Variants in TRA2A observed in about 807,000 individuals in gnomAD.
TRA2A encodes transformer 2 alpha homolog.
A neutral mutation model predicts 45.7 loss-of-function variants in TRA2A; 31 were observed. The ratio of observed to expected loss-of-function variants is 0.68; its 90% confidence interval spans 0.51 to 0.92. The LOEUF (loss-of-function observed/expected upper bound fraction) is 0.92, where lower values mean the gene tolerates loss of function less well. Among genes scored for constraint, TRA2A ranks in the 40% least tolerant of loss-of-function variants. The pLI, the probability that TRA2A is intolerant of heterozygous loss-of-function variation, is 0.00. For synonymous variants in TRA2A, 132 were observed against 126.2 expected, an observed-to-expected ratio of 1.05 and a Z score of -0.31; for missense variants, 304 against 367.5, an observed-to-expected ratio of 0.83 and a Z score of 1.41.
intron 4 of TRA2A, among the ~76,000 whole-genome samples, chr7:23,512,358 C>A (rs1281040510): frequency 6.6e-6 from 1 of 152,176 alleles, no homozygotes; most frequent in South Asian, 2.1e-4. Flanking sequence ...GTGGCCCACA[C>A]TTGTAGTGTC....
rs1268897694 is a variant in TRA2A, at chr7:23,531,949, C to G, written c.-125G>C. The G allele has an allele frequency of 2.0e-6, 2 of 1,004,204 alleles. No homozygotes were observed. Among genetic ancestry groups the G allele is most frequent in the South Asian group, 2.8e-5 (2 of 71,030 alleles). The allele number at this position is 1,004,204 out of a possible 1,614,324, so 62.2% of individuals were successfully genotyped here. A position where few individuals can be genotyped will look rare whatever the true frequency, so the allele number is the denominator to read the frequency against. ...AGTCGGCAACCACAGCCGCTCCACT[C>G]CACTCCCACTCGGTCGCAGGCTCCA... is the stretch of plus-strand genomic sequence containing the variant. On this transcript the variant is annotated 5_prime_UTR_variant, in exon 1 of 8. Transcript: ENST00000297071.
In TRA2A at chr7:23,505,067, TA is replaced by T. The variant is rs956782763; in HGVS notation, c.*491del. 4.0e-5 allele frequency: 6 copies of T among 151,340 alleles called. No individual in the cohort carries two copies. Among genetic ancestry groups the T allele is most frequent in the Non-Finnish European group, 7.3e-5 (5 of 68,204 alleles). The allele number at this position is 151,340 out of a possible 1,614,324, so 9.4% of individuals were successfully genotyped here. ...CAGGAGTTCACAAGCTTTTCATCTC[TA>T]AAAAAAAACTTTCAACTACCTGACT... is the stretch of plus-strand genomic sequence containing the variant. On this transcript the variant is annotated 3_prime_UTR_variant, in exon 8 of 8. Coordinates refer to ENST00000297071, the MANE Select transcript of TRA2A (RefSeq NM_013293.5).
rs1468504580 is a variant in TRA2A at position 23,506,141 on chromosome 7, T to C, written c.767A>G (p.Tyr256Cys). ...AAAGCTCAAGTTAAAACATTACCTGTATCGGTAATCATAGTCTTCATATCT... is the reference window on the plus strand; with the variant it reads ...AAAGCTCAAGTTAAAACATTACCTGCATCGGTAATCATAGTCTTCATATCT... The part of the protein sequence containing the change: ...YDRYEDYDYR[Y>C]RRRSPSPYYS... The change falls in exon 6 of 8, where the codon TAC becomes TGC. Residue 256 changes from tyrosine to cysteine, a missense_variant. Around this residue, in one of 3 missense-constraint regions of TRA2A, gnomAD observed 42 missense variants for 37.0 expected, o/e 1.14. Coordinates refer to ENST00000297071, the MANE Select transcript of TRA2A (RefSeq NM_013293.5). The C allele has an allele frequency of 3.1e-6, 5 of 1,604,908 alleles. No individual in the cohort carries two copies. In the South Asian group the frequency reaches 5.6e-5, roughly 18 times the overall value.
chr7:23,525,591 C>A (rs1014545556), intron 1 of TRA2A, among the ~76,000 whole-genome samples: 4 of 152,138 alleles, frequency 2.6e-5, no homozygotes, highest in Non-Finnish European at 5.9e-5. Flanking sequence ...CCTGCTTTAA[C>A]AGGTTTTTGT....
chr7:23,521,427 G>A (rs2170683), intron 2 of TRA2A, among the ~76,000 whole-genome samples: 53,892 of 151,996 alleles, frequency 0.35, 9,742 homozygotes, highest in South Asian at 0.43. Flanking sequence ...ATTGGGCTGG[G>A]AGATGATTTT....
In TRA2A at chr7:23,515,431, G is replaced by A. The variant is rs370750851; in HGVS notation, c.336+932C>T. Among the ~76,000 whole-genome samples the A allele has an allele frequency of 7.3e-5, 11 of 151,626 alleles. No homozygotes were observed. In the East Asian group the frequency reaches 1.8e-3, roughly 24 times the overall value. On this transcript the variant is annotated intron_variant, in intron 3 of 7. Coordinates refer to ENST00000297071, the MANE Select transcript of TRA2A (RefSeq NM_013293.5). Reference sequence around the variant, plus strand: ...TTTTTAGTAGAGACAGGGTTTCACCGTGGTCTCGATCTCCTGACCTCGTGA... The same window carrying A: ...TTTTTAGTAGAGACAGGGTTTCACCATGGTCTCGATCTCCTGACCTCGTGA...
chr7:23,518,158 T>TG (rs747093962), intron 2 of TRA2A, among the ~76,000 whole-genome samples: 38 of 151,990 alleles, frequency 2.5e-4, no homozygotes, highest in Non-Finnish European at 5.0e-4. Flanking sequence ...AGGCTGGTCT[T>TG]GAAGTCCTGT....
intron 1 of TRA2A, among the ~76,000 whole-genome samples, chr7:23,523,970 T>C (rs1262665032): frequency 1.3e-5 from 2 of 152,216 alleles, no homozygotes; most frequent in Admixed American, 1.3e-4. Flanking sequence ...TGGATTATTA[T>C]CTACGAACGC....
rs139111152 is a variant in TRA2A, at chr7:23,521,798, G to A, written c.79C>T (p.Arg27Cys). 1.2e-5 allele frequency: 19 copies of A among 1,613,900 alleles called. No homozygotes were observed. The highest frequency in any genetic ancestry group is 1.0e-4 in the Admixed American group (6 of 59,976). ...QSKSPTGTPA[R>C]VKSESRSGSR... ...CCTGACCTGCTCTCCGATTTTACAC[G>A]AGCAGGAGTTCCCGTTGGAGATTTT... Residue 27 changes from arginine to cysteine, a missense_variant, in exon 2 of 8, where the codon CGT becomes TGT. By Grantham distance (180) the Arg-to-Cys change is radical. Transcript: ENST00000297071.
intron 1 of TRA2A, among the ~76,000 whole-genome samples, chr7:23,528,249 T>G (rs756098470): frequency 6.6e-6 from 1 of 152,146 alleles, no homozygotes; most frequent in East Asian, 1.9e-4. Context: ...CTCGCTCTAT[T>G]GCCAGGCTGG....
chr7:23,516,417 T>C lies in TRA2A; in HGVS notation c.282A>G (p.Arg94=). The change falls in exon 3 of 8, where the codon CGA becomes CGG. Residue 94 remains arginine, a synonymous_variant. Transcript: ENST00000297071. ...ACATTGGAGAATGGCTTCGGCTCCT[T>C]CGCCGCCGGTATTCTGGTGTATATG... ...SRSYTPEYRR[R]RSRSHSPMSN... The C allele has an allele frequency of 1.2e-6, 2 of 1,614,224 alleles. No homozygotes were observed. The highest frequency in any genetic ancestry group is 1.7e-6 in the Non-Finnish European group (2 of 1,180,032).
At chr7:23,523,475 T>G (rs1261098535) in intron 1 of TRA2A, among the ~76,000 whole-genome samples, 1 of 152,168 alleles carries the variant, frequency 6.6e-6, no homozygotes, top group Non-Finnish European at 1.5e-5. Context: ...CAGAAGTAAT[T>G]TCACACCAAT....
At chr7:23,522,627 T>C (rs1294129014) in intron 1 of TRA2A, among the ~76,000 whole-genome samples, 1 of 151,570 alleles carries the variant, frequency 6.6e-6, no homozygotes, top group Non-Finnish European at 1.5e-5. Flanking sequence ...ACAAAGAGAA[T>C]TTACTAAATT....
chr7:23,508,325 G>GTCTCTTAACT, intron 4 of TRA2A, among the ~76,000 whole-genome samples: 1 of 148,646 alleles, frequency 6.7e-6, no homozygotes, highest in East Asian at 2.0e-4. Flanking sequence ...GCCCAGGCTG[G>GTCTCTTAACT]CAGTGGATCA....
At chr7:23,529,773 G>A (rs529289391) in intron 1 of TRA2A, among the ~76,000 whole-genome samples, 320 of 151,864 alleles carry the variant, frequency 2.1e-3, no homozygotes, top group Non-Finnish European at 2.9e-3. Flanking sequence ...TGACCACAAA[G>A]GGCCGTAAGA....
Position 23,531,810 on chromosome 7 carries a change from C to T in TRA2A, c.15G>A (p.Glu5=), listed in dbSNP as rs904495291. 1.3e-5 allele frequency: 21 copies of T among 1,613,716 alleles called. No individual in the cohort carries two copies. The highest frequency in any genetic ancestry group is 1.7e-5 in the Non-Finnish European group (20 of 1,180,048). The change falls in exon 1 of 8, where the codon GAG becomes GAA. Residue 5 remains glutamate (E), a synonymous_variant. Coordinates refer to ENST00000297071, the MANE Select transcript of TRA2A (RefSeq NM_013293.5). MSDV[E]ENNFEGRESR... is the part of the protein sequence containing the mutation. ...TCACTCTGCCCTCGAAGTTGTTTTC[C>T]TCCACATCACTCATGTCGACGAGGC...
chr7:23,509,452 T>C lies in TRA2A; in HGVS notation c.526-1917A>G, dbSNP rs528812864. Reference sequence around the variant, plus strand: ...TTTAAAAAGATTTTAAAAATCACTTTAGGCTGGGCGCGATGGCTCACACCT... The same window carrying C: ...TTTAAAAAGATTTTAAAAATCACTTCAGGCTGGGCGCGATGGCTCACACCT... On this transcript the variant is annotated intron_variant, in intron 4 of 7. Coordinates refer to ENST00000297071, the MANE Select transcript of TRA2A (RefSeq NM_013293.5). 8.5e-5 allele frequency among the ~76,000 whole-genome samples: 13 copies of C among 152,238 alleles called. No homozygotes were observed. The East Asian group carries it at 9.7e-4, about 11-fold the overall frequency.
At chr7:23,508,253 T>C (rs1789431741) in intron 4 of TRA2A, among the ~76,000 whole-genome samples, 1 of 137,070 alleles carries the variant, frequency 7.3e-6, no homozygotes, top group Non-Finnish European at 1.5e-5. Context: ...TCCGTAAGAG[T>C]GTCCCATAAA....
In TRA2A at chr7:23,514,637, C is replaced by T. The variant is rs1439667186; in HGVS notation, c.337-1555G>A. Among the ~76,000 whole-genome samples the T allele has an allele frequency of 3.3e-5, 5 of 151,906 alleles. No homozygotes were observed. In the South Asian group the frequency reaches 1.0e-3, roughly 32 times the overall value. ...TGAGACAGGGCCTCACTCTCTTGCCCAAGCTGGAGTTTACTGGCCTGATCA... is the reference window on the plus strand; with the variant it reads ...TGAGACAGGGCCTCACTCTCTTGCCTAAGCTGGAGTTTACTGGCCTGATCA... On this transcript the variant is annotated intron_variant, in intron 3 of 7. Coordinates refer to ENST00000297071, the MANE Select transcript of TRA2A (RefSeq NM_013293.5).
Sources: gnomAD v4.1 joint callset for allele counts (sites outside exome capture counted in the v4.1 genomes callset) on GRCh38, gnomAD v4.1.1 for gene constraint, gnomAD v4.1.1 regional missense constraint, MANE v1.5 for transcripts, NCBI Gene and HGNC (gene_info 2026-07-23, HGNC 2026-07-21) for gene names.